IGSF21: variants seen among roughly 807,000 people sequenced by gnomAD.
The protein encoded by IGSF21 is immunoglobulin superfamily member 21.
A neutral mutation model predicts 46.8 loss-of-function variants in IGSF21; 28 were observed. The observed-to-expected ratio is 0.60, with a 90% CI of 0.44 to 0.82. The LOEUF (loss-of-function observed/expected upper bound fraction) is 0.82, where lower values mean the gene tolerates loss of function less well. Among genes scored for constraint, IGSF21 ranks in the 40% least tolerant of loss-of-function variants. The probability of loss-of-function intolerance (pLI) is 0.00; values close to 1 mark genes in which losing one functional copy is unlikely to be tolerated. For missense variants in IGSF21, 624 were observed against 665.5 expected (o/e 0.94, Z 0.69); for synonymous variants, 284 against 273.6 (o/e 1.04, Z -0.38).
At chr1:18,253,322 A>C (rs2084860410) in intron 2 of IGSF21, among the ~76,000 whole-genome samples, 1 of 152,172 alleles carries the variant, frequency 6.6e-6, no homozygotes, top group African/African-American at 2.4e-5. Context: ...CTGGCACCCT[A>C]ATGTCCTTAA....
At chr1:18,272,505 G>A (rs2085052512) in intron 2 of IGSF21, among the ~76,000 whole-genome samples, 1 of 152,214 alleles carries the variant, frequency 6.6e-6, no homozygotes, top group African/African-American at 2.4e-5. Context: ...TTAGCACCTG[G>A]CCTTAGATGA....
intron 3 of IGSF21, among the ~76,000 whole-genome samples, chr1:18,327,125 T>C (rs887427832): frequency 6.6e-6 from 1 of 152,156 alleles, no homozygotes; most frequent in African/African-American, 2.4e-5. Context: ...CTCCAAGCCT[T>C]TTGATCCACG....
At chr1:18,285,768 C>T (rs2085207032) in intron 2 of IGSF21, among the ~76,000 whole-genome samples, 1 of 152,200 alleles carries the variant, frequency 6.6e-6, no homozygotes, top group African/African-American at 2.4e-5. Context: ...AACCTCCCTA[C>T]TTCGGACTTA....
intron 6 of IGSF21, among the ~76,000 whole-genome samples, chr1:18,370,290 A>C (rs2086211606): frequency 6.6e-6 from 1 of 152,162 alleles, no homozygotes; most frequent in Non-Finnish European, 1.5e-5. Context: ...AGAGTCCAGA[A>C]ATAGATCTAC....
chr1:18,196,937 A>G (rs1317840917), intron 1 of IGSF21, among the ~76,000 whole-genome samples: 1 of 152,172 alleles, frequency 6.6e-6, no homozygotes, highest in Admixed American at 6.5e-5. Flanking sequence ...GAGTGAAGGA[A>G]GACGGACGAG....
intron 1 of IGSF21, chr1:18,113,710 T>G (rs766903890): frequency 1.4e-5 from 2 of 143,684 alleles, no homozygotes; most frequent in Non-Finnish European, 3.0e-5. Context: ...TTGAGCGGAG[T>G]GTCACAAAGA....
At chr1:18,268,303 T>C (rs1469161719) in intron 2 of IGSF21, among the ~76,000 whole-genome samples, 3 of 152,278 alleles carry the variant, frequency 2.0e-5, no homozygotes, top group Non-Finnish European at 4.4e-5. Context: ...ACAGGACTAC[T>C]GACCCACAGG....
In IGSF21 at chr1:18,365,903, C is replaced by T. The variant is rs534121078; in HGVS notation, c.1015+206C>T. ...GGAGAAGATGGGAGGTACCCACAGGCCAAGGTAGTTTGCTGGGTTGAGCCA... is the reference window on the plus strand; with the variant it reads ...GGAGAAGATGGGAGGTACCCACAGGTCAAGGTAGTTTGCTGGGTTGAGCCA... On this transcript the variant is annotated intron_variant, in intron 6 of 9. Transcript: ENST00000251296. This position sits in a 1 kb window ranked among gnomAD's most constrained non-coding sequence, Gnocchi z 4.8. Among the ~76,000 whole-genome samples, 1 of 152,100 alleles carries T rather than the reference C, an allele frequency of 6.6e-6. No individual in the cohort carries two copies. The highest frequency in any genetic ancestry group is 1.9e-4 in the East Asian group (1 of 5,162).
rs181621693 is a variant in IGSF21 at position 18,287,433 on chromosome 1, A to T, written c.184-4433A>T. ...AACAAACAAAACAAAAAAAAAATCC[A>T]CCCATCCTCATAGAGCTTATGTTCT... is the stretch of plus-strand genomic sequence containing the variant. On this transcript the variant is annotated intron_variant, in intron 2 of 9. Coordinates refer to ENST00000251296, the MANE Select transcript of IGSF21 (RefSeq NM_032880.5). Among the ~76,000 whole-genome samples the T allele has an allele frequency of 3.7e-3, 555 of 151,844 alleles. 12 individuals are homozygous for T. The highest frequency in any genetic ancestry group is 0.034 in the Admixed American group (517 of 15,250).
chr1:18,370,234 G>A (rs11260992), intron 6 of IGSF21, among the ~76,000 whole-genome samples: 3,354 of 152,056 alleles, frequency 0.022, 112 homozygotes, highest in African/African-American at 0.074. Flanking sequence ...CATGACACCC[G>A]CCCAAAACCT....
At chr1:18,230,332 C>T (rs572369503) in intron 2 of IGSF21, among the ~76,000 whole-genome samples, 1 of 152,312 alleles carries the variant, frequency 6.6e-6, no homozygotes, top group African/African-American at 2.4e-5. Flanking sequence ...AACCTTGATG[C>T]CACTGGTAGT....
intron 2 of IGSF21, among the ~76,000 whole-genome samples, chr1:18,279,784 C>G (rs1373313682): frequency 1.3e-5 from 2 of 152,260 alleles, no homozygotes; most frequent in African/African-American, 4.8e-5. Flanking sequence ...TTACAGCAGA[C>G]AGGATATGCC....
chr1:18,138,724 C>A (rs1007770646), intron 1 of IGSF21, among the ~76,000 whole-genome samples: 1 of 152,186 alleles, frequency 6.6e-6, no homozygotes, highest in Non-Finnish European at 1.5e-5. Context: ...CAGCAGACTT[C>A]TTTTAGGTAA....
intron 2 of IGSF21, among the ~76,000 whole-genome samples, chr1:18,242,068 CGGAGCCATCTGTCTGCAGTAGT>C (rs6143146): frequency 0.024 from 3,629 of 152,234 alleles, 119 homozygotes; most frequent in African/African-American, 0.082. Flanking sequence ...ATCACCCTGC[CGGAGCCATCTGTCTGCAGTAGT>C]GCTGCGGCAC....
intron 1 of IGSF21, among the ~76,000 whole-genome samples, chr1:18,135,411 C>T (rs1004245806): frequency 1.4e-5 from 2 of 147,982 alleles, no homozygotes; most frequent in Non-Finnish European, 3.0e-5. Context: ...TCCCTCCCCC[C>T]TCCCCCAACC....
At chr1:18,161,989 T>C (rs1401755288) in intron 1 of IGSF21, among the ~76,000 whole-genome samples, 1 of 152,106 alleles carries the variant, frequency 6.6e-6, no homozygotes, top group Non-Finnish European at 1.5e-5. Flanking sequence ...ATACAGGTGG[T>C]CCCTAACTTA....
intron 5 of IGSF21, among the ~76,000 whole-genome samples, chr1:18,363,923 T>G (rs376355168): frequency 1.3e-5 from 2 of 152,296 alleles, no homozygotes; most frequent in South Asian, 2.1e-4. Flanking sequence ...CAAAGCCAGT[T>G]GCTGAAAGCA....
intron 3 of IGSF21, among the ~76,000 whole-genome samples, chr1:18,315,793 A>T (rs1337500653): frequency 6.9e-6 from 1 of 145,130 alleles, no homozygotes; most frequent in African/African-American, 2.6e-5. Context: ...GAAGTGAATG[A>T]ATGGATGGAT....
chr1:18,225,085 T>TCTCTCTCTCTCTCTCACACACACACACA, intron 1 of IGSF21, among the ~76,000 whole-genome samples: 89 of 51,552 alleles, frequency 1.7e-3, no homozygotes, highest in Non-Finnish European at 2.9e-3. Context: ...TCTCTCTCTC[T>TCTCTCTCTCTCTCTCACACACACACACA]CACACACACA....
Sources: gnomAD v4.1 joint callset for allele counts (sites outside exome capture counted in the v4.1 genomes callset) on GRCh38, gnomAD v4.1.1 for gene constraint, Gnocchi (gnomAD v3.1) non-coding constraint, MANE v1.5 for transcripts, NCBI Gene and HGNC (gene_info 2026-07-23, HGNC 2026-07-21) for gene names.